The following EPB41L4B variants were observed in gnomAD, a reference collection of about 807,000 sequenced individuals.
EPB41L4B encodes erythrocyte membrane protein band 4.1 like 4B.
A neutral mutation model predicts 112.5 loss-of-function variants in EPB41L4B; 30 were observed. The observed-to-expected ratio is 0.27, with a 90% CI of 0.20 to 0.36. The LOEUF (loss-of-function observed/expected upper bound fraction) is 0.36, where lower values mean the gene tolerates loss of function less well. Among genes scored for constraint, EPB41L4B ranks in the 10% least tolerant of loss-of-function variants. The pLI is 1.00. For missense variants in EPB41L4B, 1,024 were observed against 1,133.3 expected, an observed-to-expected ratio of 0.90 and a Z score of 1.38; for synonymous variants, 408 against 439.7, an observed-to-expected ratio of 0.93 and a Z score of 0.90.
chr9:109,281,285 A>G (rs10739276), intron 1 of EPB41L4B, among the ~76,000 whole-genome samples: 141,783 of 152,288 alleles, frequency 0.93, 66,173 homozygotes, highest in East Asian at 1. Context: ...GGTACATACA[A>G]CTAGTTCCCC....
intron 20 of EPB41L4B, among the ~76,000 whole-genome samples, chr9:109,196,775 C>G (rs2118717606): frequency 6.6e-6 from 1 of 151,868 alleles, no homozygotes; most frequent in African/African-American, 2.4e-5. Flanking sequence ...TGTAGAGACC[C>G]TCTACTTCTC....
chr9:109,196,055 T>C (rs1832629498), intron 20 of EPB41L4B: 1 of 152,114 alleles, frequency 6.6e-6, no homozygotes. Flanking sequence ...ACTTGTCTAA[T>C]GTAACAGTCG....
At position 109,173,742 on chromosome 9, in the gene EPB41L4B, T is replaced by G. The variant is rs1413699057; in HGVS notation, c.*812A>C. ...GTTGTTCAAGTGCATTAATAAAAAT[T>G]TAAAAACACATTTCTTGAAACTATA... On this transcript the variant is annotated 3_prime_UTR_variant, in exon 26 of 26. Coordinates refer to ENST00000374566, the MANE Select transcript of EPB41L4B (RefSeq NM_019114.5). The G allele has an allele frequency of 6.6e-6, 1 of 152,650 alleles. No individual in the cohort carries two copies. The highest frequency in any genetic ancestry group is 2.4e-5 in the African/African-American group (1 of 41,452). The allele number at this position is 152,650 out of a possible 1,614,324, so 9.5% of individuals were successfully genotyped here.
At chr9:109,287,798 C>T (rs1836354407) in intron 1 of EPB41L4B, among the ~76,000 whole-genome samples, 1 of 152,092 alleles carries the variant, frequency 6.6e-6, no homozygotes, top group South Asian at 2.1e-4. Flanking sequence ...TATGGGGTCC[C>T]ACTATGTTGC....
At chr9:109,292,016 C>T (rs1170652660) in intron 1 of EPB41L4B, among the ~76,000 whole-genome samples, 1 of 152,176 alleles carries the variant, frequency 6.6e-6, no homozygotes, top group Non-Finnish European at 1.5e-5. Flanking sequence ...CTCATTTCTT[C>T]CTTTAACAGC....
chr9:109,291,436 T>C (rs193245353), intron 1 of EPB41L4B, among the ~76,000 whole-genome samples: 85 of 152,234 alleles, frequency 5.6e-4, no homozygotes, highest in African/African-American at 2.0e-3. Flanking sequence ...CCACTTAGTC[T>C]GAAGGGCAGG....
rs77813154 is a variant in EPB41L4B, at chr9:109,313,146, C to G, written c.306+6995G>C. Reference sequence around the variant, plus strand: ...CAGTTGCTCACCCCCGGCACCACCCCATGTTGGTTTATGGGTATCTGTTTA... The same window carrying G: ...CAGTTGCTCACCCCCGGCACCACCCGATGTTGGTTTATGGGTATCTGTTTA... On this transcript the variant is annotated intron_variant, in intron 1 of 25. Coordinates refer to ENST00000374566, the MANE Select transcript of EPB41L4B (RefSeq NM_019114.5). Among the ~76,000 whole-genome samples, 765 of 152,292 alleles carry G rather than the reference C, an allele frequency of 5.0e-3. 10 individuals carry two copies. The highest frequency in any genetic ancestry group is 0.017 in the African/African-American group (708 of 41,572).
intron 17 of EPB41L4B, among the ~76,000 whole-genome samples, chr9:109,213,264 G>C (rs1167699415): frequency 6.6e-6 from 1 of 152,210 alleles, no homozygotes; most frequent in Non-Finnish European, 1.5e-5. Flanking sequence ...TAGTCAAAAG[G>C]GGGCCTGGCT....
At position 109,258,240 on chromosome 9, in the gene EPB41L4B, C is replaced by G. The variant is rs374382947; in HGVS notation, c.689G>C (p.Arg230Pro). The part of the protein sequence containing the change: ...EHTPELVSEF[R>P]FIPNQTEAME... ...TGCTTCTGTCTGATTTGGAATGAAC[C>G]GAAACTCAGACACAAGCTCTGGTGT... The change falls in exon 7 of 26, where the codon CGG becomes CCG. Residue 230 changes from arginine (R) to proline (P), a missense_variant. Arg to Pro is a moderately radical substitution (Grantham distance 103). Coordinates refer to ENST00000374566, the MANE Select transcript of EPB41L4B (RefSeq NM_019114.5). The G allele has an allele frequency of 2.5e-6, 4 of 1,613,988 alleles. No individual in the cohort carries two copies. Among genetic ancestry groups the G allele is most frequent in the Non-Finnish European group, 3.4e-6 (4 of 1,179,902 alleles).
chr9:109,181,128 C>T (rs1271632027), intron 24 of EPB41L4B, among the ~76,000 whole-genome samples: 1 of 152,198 alleles, frequency 6.6e-6, no homozygotes, highest in Non-Finnish European at 1.5e-5. Context: ...CCTCCCGCCT[C>T]AGCCTCCTGG....
intron 15 of EPB41L4B, among the ~76,000 whole-genome samples, chr9:109,232,633 T>G (rs973068044): frequency 6.6e-6 from 1 of 152,174 alleles, no homozygotes; most frequent in Non-Finnish European, 1.5e-5. Context: ...ATGAATGAAA[T>G]TAAAACATTA....
In EPB41L4B at chr9:109,265,028, A is replaced by G. The variant is rs1835348870; in HGVS notation, c.534-4T>C. ...GAGTTGTAAAACAAACAGGTACCTG[A>G]CAAACATATACAAAAGTCAACAGAG... On this transcript the variant is annotated splice_region_variant and splice_polypyrimidine_tract_variant and intron_variant, in intron 4 of 25. Coordinates refer to ENST00000374566, the MANE Select transcript of EPB41L4B (RefSeq NM_019114.5). 1 of 1,601,422 alleles carries G rather than the reference A, an allele frequency of 6.2e-7. No individual in the cohort carries two copies.
chr9:109,242,872 A>C (rs1235587942), intron 15 of EPB41L4B, among the ~76,000 whole-genome samples: 1 of 150,672 alleles, frequency 6.6e-6, no homozygotes, highest in African/African-American at 2.4e-5. Context: ...AAAAACAAAA[A>C]ACCTGTCAAG....
At chr9:109,268,335 A>T (rs1443068231) in intron 3 of EPB41L4B, 56 bp downstream of exon 3, 1 of 1,499,270 alleles carries the variant, frequency 6.7e-7, no homozygotes, top group Non-Finnish European at 9.2e-7. Context: ...AACACTGGCA[A>T]AGGAGTTTAC....
intron 2 of EPB41L4B, among the ~76,000 whole-genome samples, chr9:109,274,545 C>G (rs1564311828): frequency 6.6e-6 from 1 of 152,212 alleles, no homozygotes; most frequent in East Asian, 1.9e-4. Flanking sequence ...ATGTGGCAGG[C>G]AGGGACAACA....
Position 109,320,763 on chromosome 9 carries a change from T to C in EPB41L4B, c.-317A>G, listed in dbSNP as rs1485845607. The C allele has an allele frequency of 2.8e-5, 4 of 143,224 alleles. No homozygotes were observed. The highest frequency in any genetic ancestry group is 1.0e-4 in the African/African-American group (4 of 39,648). The allele number at this position is 143,224 out of a possible 1,614,324, so 8.9% of individuals were successfully genotyped here. A position where few individuals can be genotyped will look rare whatever the true frequency, so the allele number is the denominator to read the frequency against. On this transcript the variant is annotated 5_prime_UTR_variant, in exon 1 of 26. Transcript: ENST00000374566. The stretch of plus-strand genomic sequence containing the variant: ...CCTGCGCGGGCTGCCGAGGGGCTGC[T>C]CCGGACGGGCGGCTGCGGGCTGCCA...
At chr9:109,192,235 A>G in intron 22 of EPB41L4B, 43 bp downstream of exon 22, 6 of 1,505,354 alleles carry the variant, frequency 4.0e-6, no homozygotes, top group South Asian at 1.2e-5. Context: ...AGATGTTTCT[A>G]TGGTCTGTGA....
chr9:109,227,440 C>T (rs1025710247), intron 15 of EPB41L4B, among the ~76,000 whole-genome samples: 12 of 152,136 alleles, frequency 7.9e-5, no homozygotes, highest in South Asian at 6.2e-4. Flanking sequence ...GAACATATTT[C>T]TCTCCATTTA....
chr9:109,293,323 C>A (rs554628562), intron 1 of EPB41L4B, among the ~76,000 whole-genome samples: 19 of 151,352 alleles, frequency 1.3e-4, no homozygotes, highest in African/African-American at 4.1e-4. Context: ...CACAGCATGA[C>A]GTTAACTTAG....
Sources: gnomAD v4.1 joint callset for allele counts (sites outside exome capture counted in the v4.1 genomes callset) on GRCh38, gnomAD v4.1.1 for gene constraint, MANE v1.5 for transcripts, NCBI Gene and HGNC (gene_info 2026-07-23, HGNC 2026-07-21) for gene names.